LRSAM1: variants seen among roughly 807,000 people sequenced by gnomAD.
LRSAM1 encodes the protein leucine rich repeat and sterile alpha motif containing 1, also known as E3 ubiquitin-protein ligase LRSAM1.
Under a neutral mutation model 118.1 loss-of-function variants are expected in LRSAM1, and 96 were observed. The ratio of observed to expected loss-of-function variants is 0.81; its 90% CI spans 0.69 to 0.96. The LOEUF (loss-of-function observed/expected upper bound fraction) is 0.96, where lower values mean the gene tolerates loss of function less well. Ranked by LOEUF, LRSAM1 falls within the 40% of genes least tolerant of loss-of-function variation. LRSAM1 has a pLI of 0.00. For synonymous variants in LRSAM1, 322 were observed against 364.2 expected, an observed-to-expected ratio of 0.88 and a Z score of 1.32; for missense variants, 804 against 915.5, an observed-to-expected ratio of 0.88 and a Z score of 1.57.
intron 18 of LRSAM1, among the ~76,000 whole-genome samples, chr9:127,487,990 C>G (rs1835794712): frequency 6.6e-6 from 1 of 152,160 alleles, no homozygotes; most frequent in Non-Finnish European, 1.5e-5. Flanking sequence ...CCTCCACCTG[C>G]TCTCTGGCAG....
rs146879038 is a variant in LRSAM1, at chr9:127,465,808, G to A, written c.529-1932G>A. Among the ~76,000 whole-genome samples, 1 of 152,212 alleles carries A rather than the reference G, an allele frequency of 6.6e-6. No homozygotes were observed. The highest frequency in any genetic ancestry group is 1.5e-5 in the Non-Finnish European group (1 of 68,036). On this transcript the variant is annotated intron_variant, in intron 9 of 25. Coordinates refer to ENST00000300417, the MANE Select transcript of LRSAM1 (RefSeq NM_001005373.4). The surrounding 1 kb of genome is among the most constrained non-coding windows in gnomAD (Gnocchi z 4.1). Reference sequence around the variant, plus strand: ...CCAGCACTCTGGGATGAGAGGGCCTGTGGGAAGTCAGAGGTTGGCAGCGGG... The same window carrying A: ...CCAGCACTCTGGGATGAGAGGGCCTATGGGAAGTCAGAGGTTGGCAGCGGG...
At chr9:127,488,344 C>T (rs1835808088) in intron 18 of LRSAM1, among the ~76,000 whole-genome samples, 1 of 152,124 alleles carries the variant, frequency 6.6e-6, no homozygotes, top group Non-Finnish European at 1.5e-5. Context: ...TCACTGCAAC[C>T]TCTGTCTCCC....
chr9:127,456,374 T>C (rs1035487353), intron 5 of LRSAM1, among the ~76,000 whole-genome samples: 5 of 149,426 alleles, frequency 3.3e-5, no homozygotes, highest in Non-Finnish European at 7.4e-5. Flanking sequence ...GCTGGGATTA[T>C]AGGCGCCCAC....
intron 10 of LRSAM1, chr9:127,470,873 G>C (rs1419578390): frequency 6.6e-6 from 1 of 152,048 alleles, no homozygotes; most frequent in Non-Finnish European, 1.5e-5. Context: ...AAGATTCTGT[G>C]CTCTCGGCCC....
chr9:127,473,841 G>A lies in LRSAM1; in HGVS notation c.660G>A (p.Leu220=). 1 of 1,614,220 alleles carries A rather than the reference G, an allele frequency of 6.2e-7. No homozygotes were observed. The highest frequency in any genetic ancestry group is 8.5e-7 in the Non-Finnish European group (1 of 1,180,038). ...LEYYPPSQYL[L]PILEQDGIEN... ...ACTACCCCCCTTCTCAGTACTTGCT[G>A]CCAATTCTGGAGCAAGATGGAATCG... Residue 220 remains leucine (L), a synonymous_variant, in exon 11 of 26, where the codon CTG becomes CTA. Transcript: ENST00000300417.
rs1279208893 is a variant in LRSAM1, at chr9:127,502,897, T to C, written c.2170T>C (p.Ter724ArgextTer17). Residue 724 changes from the stop codon to arginine, a stop_lost, in exon 26 of 26, where the codon TGA (stop) becomes CGA (arginine). Coordinates refer to ENST00000300417, the MANE Select transcript of LRSAM1 (RefSeq NM_001005373.4). ...AQRLRIYHSS[*>R] ...GCGCCTCCGCATCTACCACAGCAGCTGAGTGCTGCCCGCCCACCTGGGCCT... is the reference window on the plus strand; with the variant it reads ...GCGCCTCCGCATCTACCACAGCAGCCGAGTGCTGCCCGCCCACCTGGGCCT... 1.3e-6 allele frequency: 2 copies of C among 1,597,176 alleles called. No individual in the cohort carries two copies. Among genetic ancestry groups the C allele is most frequent in the Admixed American group, 1.7e-5 (1 of 57,766 alleles).
In LRSAM1 at chr9:127,485,811, A is replaced by G. The variant is rs2132081157; in HGVS notation, c.1235A>G (p.Asn412Ser). The change falls in exon 17 of 26, where the codon AAC becomes AGC. Residue 412 changes from asparagine to serine, a missense_variant. By Grantham distance (46) the Asn-to-Ser change is conservative. Coordinates refer to ENST00000300417, the MANE Select transcript of LRSAM1 (RefSeq NM_001005373.4). ...ATGGCCTACGAATCTCAGAGGCAGAACTTGGTCCAGCAGGCCTGTTCCAGG... is the reference window on the plus strand; with the variant it reads ...ATGGCCTACGAATCTCAGAGGCAGAGCTTGGTCCAGCAGGCCTGTTCCAGG... ...IQMAYESQRQNLVQQACSSMA... is the reference protein window; with the variant it reads ...IQMAYESQRQSLVQQACSSMA... 1 of 1,614,142 alleles carries G rather than the reference A, an allele frequency of 6.2e-7. No homozygotes were observed. Among genetic ancestry groups the G allele is most frequent in the Non-Finnish European group, 8.5e-7 (1 of 1,180,008 alleles).
chr9:127,461,321 C>T, intron 8 of LRSAM1, 64 bp downstream of exon 8: 1 of 1,474,030 alleles, frequency 6.8e-7, no homozygotes, highest in Non-Finnish European at 9.4e-7. Context: ...TGGCCGGGAT[C>T]CACAGGCTGC....
intron 8 of LRSAM1, 38 bp downstream of exon 8, chr9:127,461,295 C>T (rs1564254434): frequency 6.3e-7 from 1 of 1,579,306 alleles, no homozygotes. Flanking sequence ...GACCCTCCAT[C>T]AGCTCTGGGC....
intron 24 of LRSAM1, 139 bp from the exon 25 acceptor site, chr9:127,500,871 C>T (rs1836359929): frequency 8.6e-6 from 10 of 1,168,208 alleles, no homozygotes; most frequent in Non-Finnish European, 1.3e-5. Flanking sequence ...AAGGAGAGCA[C>T]TTCCCTCAGA....
At chr9:127,492,998 C>CTTTG in intron 21 of LRSAM1, 101 bp downstream of exon 21, 1 of 982,992 alleles carries the variant, frequency 1.0e-6, no homozygotes, top group Non-Finnish European at 1.6e-6. Flanking sequence ...AAGAGTTATT[C>CTTTG]ATCAAAGAAA....
At chr9:127,455,729 C>T (rs1400603403) in intron 5 of LRSAM1, 109 bp downstream of exon 5, 3 of 1,036,864 alleles carry the variant, frequency 2.9e-6, no homozygotes, top group African/African-American at 3.1e-5. Flanking sequence ...TCCTTTCTCT[C>T]TGCTTCTTAT....
chr9:127,481,098 C>T, intron 14 of LRSAM1, 85 bp from the exon 15 acceptor site: 1 of 1,500,586 alleles, frequency 6.7e-7, no homozygotes, highest in East Asian at 2.3e-5. Context: ...AGCCCATTTC[C>T]TAAGCCCCTC....
intron 21 of LRSAM1, 67 bp from the exon 22 acceptor site, chr9:127,495,253 A>G (rs750926002): frequency 1.6e-4 from 236 of 1,493,228 alleles, no homozygotes; most frequent in Admixed American, 1.9e-4. Flanking sequence ...GCGCCTGGCA[A>G]CCATCATTGT....
chr9:127,495,504 C>T, intron 22 of LRSAM1, 86 bp downstream of exon 22: 1 of 1,108,974 alleles, frequency 9.0e-7, no homozygotes, highest in Admixed American at 1.8e-5. Context: ...CATGCTCTGC[C>T]TCTTGTTACT....
chr9:127,493,323 AAGTGCTGGTTTT>A (rs1470083009), intron 21 of LRSAM1, among the ~76,000 whole-genome samples: 1 of 152,050 alleles, frequency 6.6e-6, no homozygotes, highest in Non-Finnish European at 1.5e-5. Flanking sequence ...TGGCCTCCGA[AAGTGCTGGTTTT>A]ACAGGCATGA....
intron 16 of LRSAM1, among the ~76,000 whole-genome samples, chr9:127,484,810 CTTTTTTTT>C (rs1376461812): frequency 7.4e-6 from 1 of 135,186 alleles, no homozygotes; most frequent in Non-Finnish European, 1.5e-5. Context: ...TTCTTTTTTT[CTTTTTTTT>C]TTTTTTTTGA....
intron 9 of LRSAM1, among the ~76,000 whole-genome samples, chr9:127,463,403 A>G (rs1834822825): frequency 6.6e-6 from 1 of 151,964 alleles, no homozygotes; most frequent in African/African-American, 2.4e-5. Flanking sequence ...ATGGGGGTTC[A>G]GAATTATCCA....
At chr9:127,501,236 C>G (rs1836381154) in intron 25 of LRSAM1, 93 bp downstream of exon 25, 19 of 1,486,910 alleles carry the variant, frequency 1.3e-5, no homozygotes, top group Non-Finnish European at 1.7e-5. Context: ...CGTGTTTTCT[C>G]CAGTTCTCTA....
Sources: allele counts gnomAD v4.1 joint callset (sites outside exome capture counted in the v4.1 genomes callset), GRCh38; gene constraint gnomAD v4.1.1; non-coding constraint Gnocchi (gnomAD v3.1); transcripts MANE v1.5; gene names NCBI Gene and HGNC (gene_info 2026-07-23, HGNC 2026-07-21).